Variants in ITGAD observed in about 807,000 individuals in gnomAD.
ITGAD encodes the protein integrin alpha-D.
Under a neutral mutation model 139.0 loss-of-function variants are expected in ITGAD, and 105 were observed. That is an observed-to-expected ratio of 0.76 (90% CI 0.65 to 0.89). ITGAD has a LOEUF of 0.89. Among genes scored for constraint, ITGAD ranks in the 40% least tolerant of loss-of-function variants. The pLI, the probability that ITGAD is intolerant of heterozygous loss-of-function variation, is 0.00. For missense variants in ITGAD, 1,384 were observed against 1,487.3 expected, an observed-to-expected ratio of 0.93 and a Z score of 1.14; for synonymous variants, 569 against 598.3, an observed-to-expected ratio of 0.95 and a Z score of 0.71.
At chr16:31,425,824 A>G (rs2082104316) in intron 29 of ITGAD, among the ~76,000 whole-genome samples, 191 bp from the exon 30 acceptor site, 1 of 151,672 alleles carries the variant, frequency 6.6e-6, no homozygotes, top group Non-Finnish European at 1.5e-5. Context: ...CTGGGATTAC[A>G]GGCGCACCAC....
intron 7 of ITGAD, among the ~76,000 whole-genome samples, chr16:31,405,350 C>CA (rs955636192): frequency 6.6e-5 from 10 of 151,764 alleles, no homozygotes; most frequent in Non-Finnish European, 1.2e-4. Flanking sequence ...AGTTTTATTA[C>CA]AAAAAAACAA....
Position 31,418,085 on chromosome 16 carries a change from A to G in ITGAD, c.2510A>G (p.His837Arg). 1 of 1,614,044 alleles carries G rather than the reference A, an allele frequency of 6.2e-7. No homozygotes were observed. ...ATTCTCCTCCCCTAGAAGCAGCCCC[A>G]TCAGAGTGCCCTGCGCCTGGCATGT... is the stretch of plus-strand genomic sequence containing the variant. ...RRVSGAQKQP[H>R]QSALRLACET... Residue 837 changes from histidine (H) to arginine (R), a missense_variant, in exon 21 of 30, where the codon CAT becomes CGT. Transcript: ENST00000389202.
intron 23 of ITGAD, among the ~76,000 whole-genome samples, chr16:31,421,371 A>G (rs1291570120): frequency 6.6e-6 from 1 of 151,356 alleles, no homozygotes; most frequent in Non-Finnish European, 1.5e-5. Context: ...TGGGAGGCCA[A>G]GTGCTGGGAT....
intron 2 of ITGAD, 140 bp downstream of exon 2, chr16:31,394,481 G>C: frequency 1.7e-6 from 1 of 590,402 alleles, no homozygotes; most frequent in Non-Finnish European, 3.0e-6. Flanking sequence ...TGGAGGCCCT[G>C]ACATCAGCAC....
Position 31,403,707 on chromosome 16 carries a change from C to G in ITGAD, c.704+62C>G. 6.3e-7 allele frequency: 1 copy of G among 1,591,218 alleles called. No homozygotes were observed. Among genetic ancestry groups the G allele is most frequent in the South Asian group, 1.1e-5 (1 of 89,692 alleles). On this transcript the variant is annotated intron_variant, in intron 7 of 29. Transcript: ENST00000389202. The surrounding 1 kb of genome is among the most constrained non-coding windows in gnomAD (Gnocchi z 4.4). ...CCACCCCCACTTCCTAACCCTGGGT[C>G]AGCACAGCTCTTCTCAGAGGCTGAG...
rs2081473232 is a variant in ITGAD at position 31,403,921 on chromosome 16, C to T, written c.704+276C>T. The stretch of plus-strand genomic sequence containing the variant: ...AGGACCCCTCCCCACCCCACAGCAG[C>T]CAGAGGCCCGGGCTTTGGCTCAGAC... On this transcript the variant is annotated intron_variant, in intron 7 of 29. Coordinates refer to ENST00000389202, the MANE Select transcript of ITGAD (RefSeq NM_005353.3). The surrounding 1 kb of genome is among the most constrained non-coding windows in gnomAD (Gnocchi z 4.4). 2 of 452,330 alleles carry T rather than the reference C, an allele frequency of 4.4e-6. No individual in the cohort carries two copies. The highest frequency in any genetic ancestry group is 2.5e-5 in the South Asian group (1 of 39,686). 28.0% of individuals were successfully genotyped at this position (452,330 alleles called of 1,614,324 possible). A position where few individuals can be genotyped will look rare whatever the true frequency, so the allele number is the denominator to read the frequency against.
chr16:31,425,238 T>C (rs2082089916), intron 29 of ITGAD, among the ~76,000 whole-genome samples: 2 of 151,944 alleles, frequency 1.3e-5, no homozygotes, highest in South Asian at 4.2e-4. Context: ...CACCTGGCTA[T>C]TTTTTGTATT....
intron 19 of ITGAD, 65 bp downstream of exon 19, chr16:31,416,351 C>A: frequency 6.6e-7 from 1 of 1,504,248 alleles, no homozygotes; most frequent in Non-Finnish European, 9.2e-7. Flanking sequence ...TCCTGGGATG[C>A]TTGTGCTGCT....
chr16:31,398,004 C>A, intron 5 of ITGAD, 95 bp downstream of exon 5: 2 of 899,404 alleles, frequency 2.2e-6, no homozygotes, highest in Non-Finnish European at 3.4e-6. Flanking sequence ...TGTGCCCTCC[C>A]TGGAGGGCCG....
At chr16:31,408,893 G>T (rs1026021113) in intron 10 of ITGAD, among the ~76,000 whole-genome samples, 3 of 152,200 alleles carry the variant, frequency 2.0e-5, no homozygotes, top group Admixed American at 6.5e-5. Context: ...AGAGATCCGG[G>T]CTTGCCAGAG....
chr16:31,395,050 C>T (rs183310008), intron 2 of ITGAD, among the ~76,000 whole-genome samples: 1 of 152,312 alleles, frequency 6.6e-6, no homozygotes, highest in Non-Finnish European at 1.5e-5. Context: ...GGCACCATGG[C>T]TCACGCCTAT....
intron 10 of ITGAD, chr16:31,408,763 A>T (rs765015695): frequency 7.0e-6 from 3 of 430,514 alleles, no homozygotes; most frequent in Admixed American, 3.6e-5. Context: ...AGAGAGAGAG[A>T]TAGCCAGAGG....
intron 5 of ITGAD, among the ~76,000 whole-genome samples, chr16:31,401,536 C>G (rs960264354): frequency 6.6e-6 from 1 of 152,172 alleles, no homozygotes. Context: ...AGCATCCCTA[C>G]AGGCATATCC....
chr16:31,412,781 A>G (rs746737887), intron 14 of ITGAD, 57 bp from the exon 15 acceptor site: 11 of 1,607,094 alleles, frequency 6.8e-6, no homozygotes, highest in Non-Finnish European at 9.3e-6. Flanking sequence ...CTTGTTACTT[A>G]TTTCCAACTT....
At chr16:31,419,822 AAAAAAAAAAG>A (rs1350229997) in intron 23 of ITGAD, among the ~76,000 whole-genome samples, 6 of 151,740 alleles carry the variant, frequency 4.0e-5, no homozygotes, top group South Asian at 2.1e-4. Context: ...CAAAAAAAAA[AAAAAAAAAAG>A]AAAAAAAAAG....
intron 1 of ITGAD, 94 bp from the exon 2 acceptor site, chr16:31,394,142 A>AAG: frequency 2.3e-5 from 13 of 559,282 alleles, no homozygotes; most frequent in East Asian, 7.9e-5. Context: ...AAAAAAAAAA[A>AAG]AAAAAAAAGA....
At chr16:31,420,576 T>C (rs954012459) in intron 23 of ITGAD, among the ~76,000 whole-genome samples, 3 of 151,924 alleles carry the variant, frequency 2.0e-5, no homozygotes, top group Non-Finnish European at 2.9e-5. Flanking sequence ...TTTTGTTTGT[T>C]TGTTTGTTTG....
chr16:31,394,130 CAAAAAAAAA>C (rs943198130), intron 1 of ITGAD, 97 bp from the exon 2 acceptor site: 215 of 417,068 alleles, frequency 5.2e-4, no homozygotes, highest in South Asian at 6.4e-4. Flanking sequence ...GACTCCATCT[CAAAAAAAAA>C]AAAAAAAAAA....
chr16:31,416,717 G>A, intron 20 of ITGAD, 71 bp downstream of exon 20: 3 of 1,480,686 alleles, frequency 2.0e-6, no homozygotes, highest in South Asian at 1.3e-5. Flanking sequence ...GTTACACAGT[G>A]TTCTTCAAAA....
Sources: gnomAD v4.1 joint callset for allele counts (sites outside exome capture counted in the v4.1 genomes callset) on GRCh38, gnomAD v4.1.1 for gene constraint, Gnocchi (gnomAD v3.1) non-coding constraint, MANE v1.5 for transcripts, NCBI Gene and HGNC (gene_info 2026-07-23, HGNC 2026-07-21) for gene names.